OCM: variants seen among roughly 807,000 people sequenced by gnomAD.
The protein encoded by OCM is oncomodulin, also known as oncomodulin-1.
OCM carries 18 observed loss-of-function variants against 14.1 expected under a neutral mutation model. The ratio of observed to expected loss-of-function variants is 1.28; its 90% confidence interval spans 0.88 to 1.89. The LOEUF (loss-of-function observed/expected upper bound fraction) is 1.89, where lower values mean the gene tolerates loss of function less well. Among genes scored for constraint, OCM ranks in the 40% most tolerant of loss-of-function variants. The pLI is 0.00. For synonymous variants in OCM, 48 were observed against 51.0 expected, an observed-to-expected ratio of 0.94 and a Z score of 0.25; for missense variants, 140 against 137.6, an observed-to-expected ratio of 1.02 and a Z score of -0.09.
chr7:5,873,571 C>T, the OCM span, among the ~76,000 whole-genome samples: 2 of 151,956 alleles, frequency 1.3e-5, no homozygotes. Context: ...TCTCAAACTT[C>T]TGGGCTCAAG....
chr7:5,875,194 A>G (rs1781071651), upstream of OCM, among the ~76,000 whole-genome samples: 1 of 151,814 alleles, frequency 6.6e-6, no homozygotes, highest in South Asian at 2.1e-4. Context: ...AGCTGGGATT[A>G]CAGACACCCA....
upstream of OCM, among the ~76,000 whole-genome samples, chr7:5,876,408 C>T (rs1781096658): frequency 6.6e-6 from 1 of 152,210 alleles, no homozygotes; most frequent in African/African-American, 2.4e-5. Context: ...ACCTTGGCCT[C>T]CCAAAGTGCT....
At chr7:5,884,197 A>G (rs1645487546) in intron 3 of OCM, among the ~76,000 whole-genome samples, 198 bp downstream of exon 3, 2 of 152,190 alleles carry the variant, frequency 1.3e-5, no homozygotes, top group South Asian at 4.1e-4. Flanking sequence ...AATGCTCGGT[A>G]GGTACTATAG....
chr7:5,863,950 CAGTT>C, the OCM span, among the ~76,000 whole-genome samples: 7 of 152,004 alleles, frequency 4.6e-5, no homozygotes, highest in East Asian at 5.8e-4. Flanking sequence ...AGTATTTTCT[CAGTT>C]AAGGAGAAGG....
At chr7:5,871,501 C>G in the OCM span, among the ~76,000 whole-genome samples, 1 of 152,162 alleles carries the variant, frequency 6.6e-6, no homozygotes, top group Non-Finnish European at 1.5e-5. Context: ...ATATCTCTCC[C>G]TTTTTCATCA....
the OCM span, among the ~76,000 whole-genome samples, chr7:5,864,962 T>C: frequency 2.0e-5 from 3 of 150,334 alleles, no homozygotes; most frequent in African/African-American, 7.3e-5. Context: ...ACTAGGGAAA[T>C]AGAGTGTGAT....
chr7:5,863,546 T>TG, the OCM span, among the ~76,000 whole-genome samples: 47 of 151,128 alleles, frequency 3.1e-4, no homozygotes, highest in African/African-American at 1.1e-3. Flanking sequence ...TTTTTTTTTT[T>TG]TCTCAAGATG....
intron 3 of OCM, among the ~76,000 whole-genome samples, chr7:5,885,199 T>G (rs1200771888): frequency 6.6e-6 from 1 of 151,984 alleles, no homozygotes; most frequent in African/African-American, 2.4e-5. Context: ...AAGTCCCCAG[T>G]TTTTTATATC....
upstream of OCM, among the ~76,000 whole-genome samples, chr7:5,878,484 C>T (rs1223847560): frequency 6.0e-5 from 9 of 151,212 alleles, no homozygotes; most frequent in Admixed American, 2.0e-4. Context: ...CGGTGGCTCA[C>T]GCCTGTAATC....
chr7:5,878,865 T>C (rs1319269217), upstream of OCM, among the ~76,000 whole-genome samples: 2 of 138,920 alleles, frequency 1.4e-5, no homozygotes, highest in Non-Finnish European at 3.0e-5. Context: ...AATAAATGTT[T>C]GCTGAAAGTT....
At chr7:5,879,756 G>T (rs1052670906), upstream of OCM, 1 of 111,618 alleles carries the variant, frequency 9.0e-6, no homozygotes, top group Non-Finnish European at 1.9e-5. Context: ...GACATAAATA[G>T]AAAAAAAAAA....
chr7:5,869,259 A>C, the OCM span, among the ~76,000 whole-genome samples: 1 of 152,110 alleles, frequency 6.6e-6, no homozygotes, highest in Non-Finnish European at 1.5e-5. Context: ...ACCTGTGAAC[A>C]TACCCCTTCC....
chr7:5,883,554 G>A (rs996433886), intron 2 of OCM, among the ~76,000 whole-genome samples: 1 of 151,808 alleles, frequency 6.6e-6, no homozygotes, highest in African/African-American at 2.4e-5. Context: ...GGGCATGGTG[G>A]GGTGCACCTG....
chr7:5,860,487 G>A, the OCM span, among the ~76,000 whole-genome samples: 1 of 94,154 alleles, frequency 1.1e-5, no homozygotes, highest in South Asian at 3.2e-4. Context: ...GTATATATAC[G>A]TGTATATATA....
At chr7:5,875,042 A>C (rs1362281509), upstream of OCM, among the ~76,000 whole-genome samples, 1 of 139,662 alleles carries the variant, frequency 7.2e-6, no homozygotes, top group East Asian at 2.0e-4. Flanking sequence ...ATCTATATCT[A>C]TATATATATA....
chr7:5,883,620 G>A (rs1416811103), intron 2 of OCM, among the ~76,000 whole-genome samples: 4 of 146,552 alleles, frequency 2.7e-5, no homozygotes, highest in Admixed American at 7.2e-5. Context: ...CCAGGAAGTC[G>A]AGGCTGCAGT....
the OCM span, among the ~76,000 whole-genome samples, chr7:5,871,175 C>G: frequency 2.9e-5 from 4 of 139,324 alleles, no homozygotes; most frequent in South Asian, 4.3e-4. Context: ...AGTGAGAGCC[C>G]CCCCCCCGTC....
At chr7:5,861,753 G>A in the OCM span, among the ~76,000 whole-genome samples, 1 of 151,700 alleles carries the variant, frequency 6.6e-6, no homozygotes, top group Admixed American at 6.6e-5. Context: ...ATAATTTGTT[G>A]TTGTTGTTAG....
chr7:5,884,714 T>A (rs1292049780), intron 3 of OCM, among the ~76,000 whole-genome samples: 4 of 147,164 alleles, frequency 2.7e-5, no homozygotes, highest in Non-Finnish European at 3.0e-5. Flanking sequence ...AGATGCTTAT[T>A]AAAAAAAAAA....
Sources: gnomAD v4.1 joint callset for allele counts (sites outside exome capture counted in the v4.1 genomes callset) on GRCh38, gnomAD v4.1.1 for gene constraint, MANE v1.5 for transcripts, NCBI Gene and HGNC (gene_info 2026-07-23, HGNC 2026-07-21) for gene names.